P4HA1: variants seen among roughly 807,000 people sequenced by gnomAD.
The protein encoded by P4HA1 is prolyl 4-hydroxylase subunit alpha-1.
In P4HA1, 24 loss-of-function variants were observed where a neutral mutation model predicts 72.8. That is an observed-to-expected ratio of 0.33 (90% CI 0.24 to 0.46). P4HA1 has a LOEUF of 0.46. P4HA1 is among the 20% of genes least tolerant of loss of function. P4HA1 has a pLI of 1.00. For missense variants in P4HA1, 446 were observed against 640.6 expected, an observed-to-expected ratio of 0.70 and a Z score of 3.28; for synonymous variants, 201 against 218.8, an observed-to-expected ratio of 0.92 and a Z score of 0.72.
intron 5 of P4HA1, among the ~76,000 whole-genome samples, chr10:73,064,539 T>C (rs960331316): frequency 6.6e-6 from 1 of 151,854 alleles, no homozygotes; most frequent in African/African-American, 2.4e-5. Flanking sequence ...AGGAAAAACA[T>C]TATTTAGAAA....
chr10:73,044,928 GATGT>G (rs1337588978), intron 9 of P4HA1, 49 bp downstream of exon 9: 24 of 1,372,860 alleles, frequency 1.7e-5, no homozygotes, highest in Non-Finnish European at 2.4e-5. Context: ...ATTCCTGTAA[GATGT>G]ATAAAACACT....
chr10:73,076,092 T>C (rs984296811), intron 1 of P4HA1, among the ~76,000 whole-genome samples: 1 of 151,892 alleles, frequency 6.6e-6, no homozygotes, highest in Non-Finnish European at 1.5e-5. Context: ...CATGAATAAA[T>C]AAAATAAAAT....
chr10:73,012,611 G>T (rs947044480), intron 12 of P4HA1, among the ~76,000 whole-genome samples: 11 of 145,392 alleles, frequency 7.6e-5, no homozygotes, highest in Admixed American at 7.3e-4. Flanking sequence ...AGATAGGGAA[G>T]AAGGGAAAGA....
At chr10:73,049,545 C>T (rs1840963332) in intron 7 of P4HA1, among the ~76,000 whole-genome samples, 1 of 152,136 alleles carries the variant, frequency 6.6e-6, no homozygotes, top group South Asian at 2.1e-4. Context: ...AAACAAAAAC[C>T]TATGTTCAAC....
intron 6 of P4HA1, among the ~76,000 whole-genome samples, chr10:73,053,070 TAAAC>T (rs1157618729): frequency 1.3e-5 from 2 of 152,190 alleles, no homozygotes; most frequent in African/African-American, 4.8e-5. Context: ...GGCAACATGG[TAAAC>T]AAACATTTTT....
intron 1 of P4HA1, among the ~76,000 whole-genome samples, chr10:73,089,940 G>T (rs1162540695): frequency 1.3e-5 from 2 of 152,114 alleles, no homozygotes; most frequent in Admixed American, 1.3e-4. Context: ...GGCTTTGGGT[G>T]AGTCTCCCAC....
intron 9 of P4HA1, chr10:73,043,943 T>G (rs199692375): frequency 2.5e-5 from 41 of 1,612,382 alleles, no homozygotes; most frequent in Middle Eastern, 1.6e-4. Flanking sequence ...GGTCATGTAC[T>G]GTAGCTCGGC....
chr10:73,019,092 T>G (rs1840075202), intron 10 of P4HA1, among the ~76,000 whole-genome samples: 1 of 151,952 alleles, frequency 6.6e-6, no homozygotes, highest in East Asian at 1.9e-4. Context: ...AAAACAAGAA[T>G]GGAAGGATTC....
chr10:73,045,331 GTAAGAAAAAGAGACA>G (rs1840830986), intron 8 of P4HA1, among the ~76,000 whole-genome samples: 1 of 151,244 alleles, frequency 6.6e-6, no homozygotes, highest in African/African-American at 2.4e-5. Flanking sequence ...GGACATGACA[GTAAGAAAAAGAGACA>G]TATCTAAAAT....
intron 5 of P4HA1, among the ~76,000 whole-genome samples, chr10:73,056,581 A>C (rs754347226): frequency 2.1e-4 from 32 of 152,100 alleles, no homozygotes; most frequent in Non-Finnish European, 3.7e-4. Context: ...GCAGTGAGCC[A>C]AGATCACGCC....
rs577033290 is a variant in P4HA1, at chr10:73,066,252, A to G, written c.463+2594T>C. Among the ~76,000 whole-genome samples, 14 of 152,264 alleles carry G rather than the reference A, an allele frequency of 9.2e-5. No individual in the cohort carries two copies. The East Asian group carries it at 2.7e-3, about 29-fold the overall frequency. ...AGGAAATTTCAGTTATTCTACTTAT[A>G]AGGAATTTGCCTGAAAGAAAAGTCA... On this transcript the variant is annotated intron_variant, in intron 5 of 14. Transcript: ENST00000394890.
At chr10:73,037,545 ATATATATATATATATATATATATATAT>A (rs1333912284) in intron 9 of P4HA1, among the ~76,000 whole-genome samples, 18 of 25,824 alleles carry the variant, frequency 7.0e-4, no homozygotes, top group East Asian at 6.9e-3. Flanking sequence ...ATATATATAT[ATATATATATATATATATATATATATAT>A]TTTTTTTTTT....
intron 5 of P4HA1, among the ~76,000 whole-genome samples, chr10:73,056,920 C>A (rs923364116): frequency 2.0e-5 from 3 of 151,422 alleles, no homozygotes; most frequent in Admixed American, 2.0e-4. Flanking sequence ...CTTCGCCGGG[C>A]GTGGTGGCGG....
At chr10:73,089,514 C>A (rs995854501) in intron 1 of P4HA1, among the ~76,000 whole-genome samples, 1 of 152,044 alleles carries the variant, frequency 6.6e-6, no homozygotes, top group African/African-American at 2.4e-5. Context: ...ACAACTTGTA[C>A]ATGAATGCTC....
At chr10:73,089,733 T>C (rs1293460266) in intron 1 of P4HA1, among the ~76,000 whole-genome samples, 2 of 142,186 alleles carry the variant, frequency 1.4e-5, no homozygotes, top group Non-Finnish European at 3.0e-5. Context: ...AAAAAGCGTA[T>C]ATACAATTCC....
intron 1 of P4HA1, among the ~76,000 whole-genome samples, chr10:73,078,658 C>T (rs1841757625): frequency 8.1e-6 from 1 of 123,744 alleles, no homozygotes; most frequent in Non-Finnish European, 1.6e-5. Flanking sequence ...GTTGCCCAGG[C>T]TGGAGTGTAG....
chr10:73,043,709 T>A (rs1275644047), intron 9 of P4HA1, among the ~76,000 whole-genome samples: 1 of 152,210 alleles, frequency 6.6e-6, no homozygotes, highest in Non-Finnish European at 1.5e-5. Context: ...AAAACCCCTA[T>A]TAACTGCCCC....
At chr10:73,050,514 A>ACC (rs371931904) in intron 7 of P4HA1, among the ~76,000 whole-genome samples, 1 of 151,928 alleles carries the variant, frequency 6.6e-6, no homozygotes, top group African/African-American at 2.4e-5. Context: ...AGCCTGGCCA[A>ACC]CATGGTGAAA....
intron 1 of P4HA1, among the ~76,000 whole-genome samples, chr10:73,079,189 C>T (rs1164317275): frequency 1.3e-5 from 2 of 152,192 alleles, no homozygotes; most frequent in Admixed American, 6.5e-5. Flanking sequence ...GGTGCAGTGG[C>T]TCATGCCTAT....
Sources: allele counts gnomAD v4.1 joint callset (sites outside exome capture counted in the v4.1 genomes callset), GRCh38; gene constraint gnomAD v4.1.1; transcripts MANE v1.5; gene names NCBI Gene and HGNC (gene_info 2026-07-23, HGNC 2026-07-21).